Variants in FOLH1 observed in about 807,000 individuals in gnomAD.
The protein encoded by FOLH1 is glutamate carboxypeptidase 2.
A neutral mutation model predicts 93.9 loss-of-function variants in FOLH1; 54 were observed. The observed-to-expected ratio is 0.57, with a 90% CI of 0.46 to 0.72. The LOEUF (loss-of-function observed/expected upper bound fraction) is 0.72, where lower values mean the gene tolerates loss of function less well. FOLH1 is among the 30% of genes least tolerant of loss of function. The pLI is 0.00. For synonymous variants in FOLH1, 249 were observed against 303.6 expected (o/e 0.82, Z 1.87); for missense variants, 571 against 892.5 (o/e 0.64, Z 4.59).
chr11:49,206,398 C>G, intron 1 of FOLH1: 1 of 794,568 alleles, frequency 1.3e-6, no homozygotes, highest in Non-Finnish European at 2.0e-6. Flanking sequence ...TCTTATCCAA[C>G]TTCAATGATA....
At chr11:49,189,194 G>A (rs895056534) in intron 4 of FOLH1, among the ~76,000 whole-genome samples, 2 of 152,112 alleles carry the variant, frequency 1.3e-5, no homozygotes, top group Non-Finnish European at 2.9e-5. Context: ...AGCGCACAGG[G>A]TAATTGATGA....
intron 4 of FOLH1, among the ~76,000 whole-genome samples, chr11:49,187,035 A>AC (rs202236145): frequency 6.5e-4 from 98 of 149,978 alleles, no homozygotes; most frequent in Middle Eastern, 3.4e-3. Context: ...CTACAGAAGC[A>AC]CCCCCCCCAC....
chr11:49,146,745 A>C lies in FOLH1; in HGVS notation c.*11T>G. 6.3e-7 allele frequency: 1 copy of C among 1,595,900 alleles called. No individual in the cohort carries two copies. The highest frequency in any genetic ancestry group is 1.7e-4 in the Middle Eastern group (1 of 5,940). On this transcript the variant is annotated 3_prime_UTR_variant, in exon 19 of 19. Transcript: ENST00000256999. ...CACACAAATTCAATACGGATTCTCT[A>C]AAGAATCCTCTTAGGCTACTTCACT...
In FOLH1 at chr11:49,206,730, G is replaced by A; in HGVS notation, c.119-558C>T. ...GAGAGTTTGCGTTTCCAGTGAAGTAGGCGTGAGAAATCCAAGTTCAGACAG... is the reference window on the plus strand; with the variant it reads ...GAGAGTTTGCGTTTCCAGTGAAGTAAGCGTGAGAAATCCAAGTTCAGACAG... On this transcript the variant is annotated intron_variant, in intron 1 of 18. Coordinates refer to ENST00000256999, the MANE Select transcript of FOLH1 (RefSeq NM_004476.3). 8 of 1,531,242 alleles carry A rather than the reference G, an allele frequency of 5.2e-6. No homozygotes were observed. In the Admixed American group the frequency reaches 1.4e-4, roughly 26 times the overall value. 94.9% of individuals were successfully genotyped at this position (1,531,242 alleles called of 1,614,324 possible).
At chr11:49,174,068 T>C (rs1859701075) in intron 9 of FOLH1, among the ~76,000 whole-genome samples, 1 of 152,170 alleles carries the variant, frequency 6.6e-6, no homozygotes, top group Non-Finnish European at 1.5e-5. Flanking sequence ...CTTCACAAAC[T>C]GTCAGTTGTT....
chr11:49,163,553 C>A (rs1480810288), intron 13 of FOLH1, among the ~76,000 whole-genome samples: 1 of 149,874 alleles, frequency 6.7e-6, no homozygotes, highest in African/African-American at 2.5e-5. Context: ...ACACTGCTAC[C>A]AGTGGCTGGC....
At chr11:49,151,931 T>C (rs1356872146) in intron 17 of FOLH1, among the ~76,000 whole-genome samples, 3 of 152,186 alleles carry the variant, frequency 2.0e-5, no homozygotes, top group Non-Finnish European at 2.9e-5. Context: ...TTGAAAAGAA[T>C]AGGAAAACAA....
At chr11:49,176,586 A>G (rs1860069488) in intron 7 of FOLH1, among the ~76,000 whole-genome samples, 1 of 152,070 alleles carries the variant, frequency 6.6e-6, no homozygotes, top group Non-Finnish European at 1.5e-5. Flanking sequence ...TTTCACTTCA[A>G]CATATCTGCC....
intron 6 of FOLH1, among the ~76,000 whole-genome samples, chr11:49,184,546 G>A (rs1355180558): frequency 6.6e-6 from 1 of 151,924 alleles, no homozygotes; most frequent in Admixed American, 6.6e-5. Context: ...ATGAAGTTCA[G>A]GTAGATTTAT....
intron 15 of FOLH1, among the ~76,000 whole-genome samples, chr11:49,155,723 A>T (rs1308641122): frequency 6.9e-6 from 1 of 144,954 alleles, no homozygotes; most frequent in African/African-American, 2.5e-5. Flanking sequence ...TTAATTATAA[A>T]CCACTGTTCT....
At position 49,197,695 on chromosome 11, in the gene FOLH1, A is replaced by G. The variant is rs573377144; in HGVS notation, c.411+2560T>C. ...CAGCTGTGAACTGTTATTCATAACA[A>G]TTAAATTGTACTGGGAGATGGGAGG... On this transcript the variant is annotated intron_variant, in intron 3 of 18. Transcript: ENST00000256999. Among the ~76,000 whole-genome samples, 14 of 152,324 alleles carry G rather than the reference A, an allele frequency of 9.2e-5. No homozygotes were observed. The South Asian group carries it at 2.7e-3, about 29-fold the overall frequency.
intron 4 of FOLH1, among the ~76,000 whole-genome samples, chr11:49,189,003 T>C (rs79426898): frequency 0.017 from 2,560 of 152,322 alleles, 74 homozygotes; most frequent in African/African-American, 0.058. Context: ...TATCTTAACA[T>C]TGAAAACAAT....
At chr11:49,196,005 T>G (rs972572346) in intron 3 of FOLH1, among the ~76,000 whole-genome samples, 5 of 151,996 alleles carry the variant, frequency 3.3e-5, no homozygotes, top group African/African-American at 1.2e-4. Flanking sequence ...AATACAAAAA[T>G]TAGCCGGGTG....
At chr11:49,179,155 G>C (rs1860437119) in intron 7 of FOLH1, among the ~76,000 whole-genome samples, 1 of 152,178 alleles carries the variant, frequency 6.6e-6, no homozygotes, top group South Asian at 2.1e-4. Flanking sequence ...TAAGGGCCGG[G>C]CATGGAAAAA....
chr11:49,181,980 CG>C (rs1565182561), intron 7 of FOLH1, among the ~76,000 whole-genome samples: 1 of 152,122 alleles, frequency 6.6e-6, no homozygotes, highest in East Asian at 1.9e-4. Flanking sequence ...CCTGGCCAGA[CG>C]CTTTGGTCTC....
At chr11:49,176,971 G>A (rs1443104009) in intron 7 of FOLH1, among the ~76,000 whole-genome samples, 1 of 152,196 alleles carries the variant, frequency 6.6e-6, no homozygotes, top group African/African-American at 2.4e-5. Flanking sequence ...CTGCGGTCAC[G>A]CACCCTCATG....
intron 7 of FOLH1, 98 bp from the exon 8 acceptor site, chr11:49,176,055 A>C (rs940813786): frequency 9.3e-7 from 1 of 1,076,748 alleles, no homozygotes; most frequent in Non-Finnish European, 1.4e-6. Context: ...TGCTCATAAT[A>C]TCTTTAATGA....
intron 4 of FOLH1, among the ~76,000 whole-genome samples, chr11:49,191,113 G>A (rs1285631693): frequency 1.3e-5 from 2 of 152,154 alleles, no homozygotes; most frequent in South Asian, 2.1e-4. Flanking sequence ...CCGCGTTCAC[G>A]CCATTCTCCT....
In FOLH1 at chr11:49,146,289, A is replaced by T. The variant is rs942081164; in HGVS notation, c.*467T>A. On this transcript the variant is annotated 3_prime_UTR_variant, in exon 19 of 19. Coordinates refer to ENST00000256999, the MANE Select transcript of FOLH1 (RefSeq NM_004476.3). ...AGTGATAACATTTACTAAAAGTGTG[A>T]TTTGATCCATTTCCCAAATAGTGTG... is the stretch of plus-strand genomic sequence containing the variant. Among the ~76,000 whole-genome samples the T allele has an allele frequency of 2.6e-5, 4 of 152,198 alleles. No individual in the cohort carries two copies. Among genetic ancestry groups the T allele is most frequent in the Non-Finnish European group, 5.9e-5 (4 of 68,032 alleles).
Sources: gnomAD v4.1 joint callset for allele counts (sites outside exome capture counted in the v4.1 genomes callset) on GRCh38, gnomAD v4.1.1 for gene constraint, MANE v1.5 for transcripts, NCBI Gene and HGNC (gene_info 2026-07-23, HGNC 2026-07-21) for gene names.